GPATCH2L: variants seen among roughly 807,000 people sequenced by gnomAD.
The protein encoded by GPATCH2L is G patch domain-containing protein 2-like.
Under a neutral mutation model 57.4 loss-of-function variants are expected in GPATCH2L, and 31 were observed. That is an observed-to-expected ratio of 0.54 (90% CI 0.41 to 0.73). The LOEUF (loss-of-function observed/expected upper bound fraction) is 0.73. GPATCH2L is among the 30% of genes least tolerant of loss of function. GPATCH2L has a pLI of 0.00. For synonymous variants in GPATCH2L, 199 were observed against 210.7 expected, an observed-to-expected ratio of 0.94 and a Z score of 0.48; for missense variants, 481 against 599.9, an observed-to-expected ratio of 0.80 and a Z score of 2.07.
intron 8 of GPATCH2L, among the ~76,000 whole-genome samples, chr14:76,183,246 A>G (rs558603828): frequency 3.3e-4 from 50 of 152,352 alleles, no homozygotes; most frequent in African/African-American, 1.1e-3. Flanking sequence ...AAACCTGAGG[A>G]AGTCTCTACT....
At chr14:76,159,477 G>A (rs2038469284) in intron 2 of GPATCH2L, among the ~76,000 whole-genome samples, 1 of 152,056 alleles carries the variant, frequency 6.6e-6, no homozygotes, top group African/African-American at 2.4e-5. Flanking sequence ...CAGATCTACA[G>A]CTGGCCAAGA....
chr14:76,201,370 A>G (rs961724696), intron 9 of GPATCH2L, among the ~76,000 whole-genome samples: 2 of 152,216 alleles, frequency 1.3e-5, no homozygotes, highest in African/African-American at 4.8e-5. Flanking sequence ...TTGCATTAAC[A>G]AGATCATGAG....
intron 8 of GPATCH2L, among the ~76,000 whole-genome samples, chr14:76,181,976 A>G (rs2039576082): frequency 6.6e-6 from 1 of 152,224 alleles, no homozygotes; most frequent in South Asian, 2.1e-4. Flanking sequence ...TTGCACCATA[A>G]CCTACTGCCA....
At chr14:76,172,911 T>C (rs2039151798) in intron 4 of GPATCH2L, among the ~76,000 whole-genome samples, 1 of 152,242 alleles carries the variant, frequency 6.6e-6, no homozygotes, top group South Asian at 2.1e-4. Flanking sequence ...AGGCACACAT[T>C]GCTTTATTGA....
At chr14:76,182,421 A>ATT (rs11389447) in intron 8 of GPATCH2L, among the ~76,000 whole-genome samples, 108 of 134,182 alleles carry the variant, frequency 8.0e-4, no homozygotes, top group African/African-American at 2.3e-3. Flanking sequence ...TTTCTACAAA[A>ATT]TTTTTTTTTT....
At chr14:76,175,823 G>A (rs1349712679) in intron 5 of GPATCH2L, 1 of 152,086 alleles carries the variant, frequency 6.6e-6, no homozygotes, top group Non-Finnish European at 1.5e-5. Flanking sequence ...GATGTTCTTG[G>A]CATTCACGCC....
intron 8 of GPATCH2L, among the ~76,000 whole-genome samples, chr14:76,188,105 T>C (rs563882660): frequency 5.5e-4 from 84 of 152,286 alleles, no homozygotes; most frequent in African/African-American, 1.9e-3. Context: ...ACATTTTCTT[T>C]ATCCATCATC....
chr14:76,163,105 T>C (rs1190938266), intron 2 of GPATCH2L, among the ~76,000 whole-genome samples: 1 of 152,214 alleles, frequency 6.6e-6, no homozygotes, highest in Non-Finnish European at 1.5e-5. Context: ...ATCTGTGTTG[T>C]AGTGGCCCTT....
rs764047873 is a variant in GPATCH2L at position 76,180,829 on chromosome 14, A to G, written c.1173A>G (p.Ser391=). Residue 391 remains serine (S), a synonymous_variant, in exon 8 of 10, where the codon TCA becomes TCG. Transcript: ENST00000261530. ...CCGATGCTTCTCACCGAAGGTGTTC[A>G]CCAGCACACTGCTCTGCCAGGTAAT... ...VLADASHRRC[S]PAHCSARQAN... 1.2e-6 allele frequency: 2 copies of G among 1,609,892 alleles called. No homozygotes were observed. Among genetic ancestry groups the G allele is most frequent in the Non-Finnish European group, 1.7e-6 (2 of 1,176,130 alleles).
At chr14:76,176,300 A>G (rs148993808) in intron 5 of GPATCH2L, 12 of 210,330 alleles carry the variant, frequency 5.7e-5, no homozygotes, top group African/African-American at 2.7e-4. Context: ...AATTTTCTAA[A>G]AAAGGATTTT....
intron 8 of GPATCH2L, among the ~76,000 whole-genome samples, chr14:76,184,797 T>C (rs2039704512): frequency 6.6e-6 from 1 of 152,202 alleles, no homozygotes; most frequent in Non-Finnish European, 1.5e-5. Flanking sequence ...ATATCCGTGC[T>C]GGGCCCCACT....
In GPATCH2L at chr14:76,154,287, C is replaced by T. The variant is rs1456356091; in HGVS notation, c.-10-67C>T. The stretch of plus-strand genomic sequence containing the variant: ...TCAAATTATTCCAAAACAACAGATC[C>T]TTTTTCAGGCTTTCTTTTTCTTTTT... On this transcript the variant is annotated intron_variant, in intron 1 of 9. Coordinates refer to ENST00000261530, the MANE Select transcript of GPATCH2L (RefSeq NM_017926.4). The surrounding 1 kb of genome is among the most constrained non-coding windows in gnomAD (Gnocchi z 4.4). 4.5e-6 allele frequency: 6 copies of T among 1,329,614 alleles called. No homozygotes were observed. Among genetic ancestry groups the T allele is most frequent in the Non-Finnish European group, 6.2e-6 (6 of 967,696 alleles). 82.4% of individuals were successfully genotyped at this position (1,329,614 alleles called of 1,614,324 possible).
intron 8 of GPATCH2L, among the ~76,000 whole-genome samples, chr14:76,192,016 T>G (rs1462182158): frequency 2.0e-5 from 3 of 152,156 alleles, no homozygotes; most frequent in Non-Finnish European, 4.4e-5. Context: ...CTTCCACTTA[T>G]GAGTGAGAAC....
downstream of GPATCH2L, chr14:76,214,373 T>C (rs907763672): frequency 1.3e-5 from 2 of 152,238 alleles, no homozygotes; most frequent in Non-Finnish European, 2.9e-5. Context: ...TTATGTCTTC[T>C]AACTGGTTAT....
intron 2 of GPATCH2L, chr14:76,230,537 C>T (rs768761368): frequency 1.3e-5 from 2 of 152,008 alleles, no homozygotes; most frequent in Admixed American, 6.6e-5. Flanking sequence ...TCACATTGAT[C>T]CTCTCAGTTG....
chr14:76,209,901 T>A lies in GPATCH2L; in HGVS notation c.*8050T>A, dbSNP rs2040421152. 1 of 152,188 alleles carries A rather than the reference T, an allele frequency of 6.6e-6. No individual in the cohort carries two copies. Among genetic ancestry groups the A allele is most frequent in the Admixed American group, 6.5e-5 (1 of 15,284 alleles). 9.4% of individuals were successfully genotyped at this position (152,188 alleles called of 1,614,324 possible). On this transcript the variant is annotated 3_prime_UTR_variant, in exon 10 of 10. Coordinates refer to ENST00000261530, the MANE Select transcript of GPATCH2L (RefSeq NM_017926.4). Reference sequence around the variant, plus strand: ...TGGCTAGGAAGTCAGAATGAGGTTATCTGGAAAGTTGAGCTTCCTCACACA... The same window carrying A: ...TGGCTAGGAAGTCAGAATGAGGTTAACTGGAAAGTTGAGCTTCCTCACACA...
intron 1 of GPATCH2L, among the ~76,000 whole-genome samples, chr14:76,224,379 A>C (rs1187243813): frequency 6.6e-6 from 1 of 152,196 alleles, no homozygotes; most frequent in East Asian, 1.9e-4. Context: ...GATGACTTTC[A>C]AGATATACGA....
At chr14:76,163,716 A>G (rs867978179) in intron 2 of GPATCH2L, among the ~76,000 whole-genome samples, 2 of 152,208 alleles carry the variant, frequency 1.3e-5, no homozygotes, top group Non-Finnish European at 2.9e-5. Context: ...CATGCCTCAT[A>G]CTATCACATC....
chr14:76,229,991 T>G (rs769006980), intron 2 of GPATCH2L: 4 of 152,236 alleles, frequency 2.6e-5, no homozygotes, highest in Admixed American at 1.3e-4. Flanking sequence ...AGAGTTATAG[T>G]CTATTGCCTA....
Sources: allele counts gnomAD v4.1 joint callset (sites outside exome capture counted in the v4.1 genomes callset), GRCh38; gene constraint gnomAD v4.1.1; non-coding constraint Gnocchi (gnomAD v3.1); transcripts MANE v1.5; gene names NCBI Gene and HGNC (gene_info 2026-07-23, HGNC 2026-07-21).